The following NUCB1 variants were observed in gnomAD, a reference collection of about 807,000 sequenced individuals.
NUCB1 encodes nucleobindin 1.
In NUCB1, 47 loss-of-function variants were observed where a neutral mutation model predicts 61.2. That is an observed-to-expected ratio of 0.77 (90% confidence interval 0.61 to 0.98). The LOEUF (loss-of-function observed/expected upper bound fraction) is 0.98. NUCB1 is among the 50% of genes least tolerant of loss of function. NUCB1 has a pLI of 0.00. For synonymous variants in NUCB1, 234 were observed against 243.1 expected, an observed-to-expected ratio of 0.96 and a Z score of 0.35; for missense variants, 583 against 605.3, an observed-to-expected ratio of 0.96 and a Z score of 0.39.
rs749759537 is a variant in NUCB1, at chr19:48,900,860, C to T, written c.64C>T (p.Arg22Cys). Residue 22 changes from arginine (R) to cysteine (C), a missense_variant, in exon 2 of 13, where the codon CGC becomes TGC. Coordinates refer to ENST00000405315, the MANE Select transcript of NUCB1 (RefSeq NM_006184.6). The stretch of plus-strand genomic sequence containing the variant: ...GCCGCTGCTGCTGCTGCTCCTGCTT[C>T]GCGCCGTGCTGGCTGTCCCCCTGGA... ...LLPLLLLLLL[R>C]AVLAVPLERG... 2 of 1,613,930 alleles carry T rather than the reference C, an allele frequency of 1.2e-6. No homozygotes were observed. Among genetic ancestry groups the T allele is most frequent in the African/African-American group, 1.3e-5 (1 of 75,068 alleles).
Position 48,913,169 on chromosome 19 carries a change from C to T in NUCB1, c.639C>T (p.His213=), listed in dbSNP as rs151028719. The change falls in exon 6 of 13, where the codon CAC becomes CAT. Residue 213 remains histidine (H), a synonymous_variant. Transcript: ENST00000405315. The part of the protein sequence containing the change: ...ERKLEEQQRR[H]REHPKVNVPG... The stretch of plus-strand genomic sequence containing the variant: ...AGCTGGAAGAGCAACAGCGCCGGCA[C>T]CGCGAGCACCCTAAAGTCAACGTGC... 6.2e-7 allele frequency: 1 copy of T among 1,613,532 alleles called. No individual in the cohort carries two copies. Among genetic ancestry groups the T allele is most frequent in the East Asian group, 2.2e-5 (1 of 44,874 alleles).
At chr19:48,903,217 G>A (rs2037370716) in intron 2 of NUCB1, among the ~76,000 whole-genome samples, 1 of 152,124 alleles carries the variant, frequency 6.6e-6, no homozygotes, top group South Asian at 2.1e-4. Flanking sequence ...AATAGTAAGA[G>A]CATAGAAGGC....
chr19:48,905,640 C>T, intron 3 of NUCB1, 113 bp from the exon 4 acceptor site: 1 of 1,274,784 alleles, frequency 7.8e-7, no homozygotes, highest in Non-Finnish European at 1.1e-6. Flanking sequence ...AGCTGGGGGA[C>T]TATAAGCAGG....
rs370697793 is a variant in NUCB1, at chr19:48,913,446, C to T, written c.667-28C>T. 55 of 1,597,350 alleles carry T rather than the reference C, an allele frequency of 3.4e-5. No homozygotes were observed. The African/African-American group carries it at 3.7e-4, about 11-fold the overall frequency. On this transcript the variant is annotated intron_variant, in intron 6 of 12. Transcript: ENST00000405315. ...TCCCATGGCATCCAGACTTCTTGCT[C>T]ATGAGCTCCTGGCTCTCCCCTCCAC...
rs987531458 is a variant in NUCB1, at chr19:48,913,263, G to GT, written c.666+69dup. ...AGTTCAAACGCAAGACAAGAAAGCAGTTAAAGAACTACAATTCCCAGGGGC... is the reference window on the plus strand; with the variant it reads ...AGTTCAAACGCAAGACAAGAAAGCAGTTTAAAGAACTACAATTCCCAGGGGC... On this transcript the variant is annotated intron_variant, in intron 6 of 12. Coordinates refer to ENST00000405315, the MANE Select transcript of NUCB1 (RefSeq NM_006184.6). 34 of 1,496,066 alleles carry GT rather than the reference G, an allele frequency of 2.3e-5. No homozygotes were observed. The Admixed American group carries it at 3.3e-4, about 15-fold the overall frequency. The allele number at this position is 1,496,066 out of a possible 1,614,324, so 92.7% of individuals were successfully genotyped here. A position where few individuals can be genotyped will look rare whatever the true frequency, so the allele number is the denominator to read the frequency against.
At chr19:48,907,983 G>A (rs2037430337) in intron 4 of NUCB1, among the ~76,000 whole-genome samples, 1 of 152,166 alleles carries the variant, frequency 6.6e-6, no homozygotes, top group Non-Finnish European at 1.5e-5. Flanking sequence ...ATCTCCCCTG[G>A]AATGTCACCT....
At chr19:48,920,009 T>TC (rs2037591455) in intron 10 of NUCB1, among the ~76,000 whole-genome samples, 1 of 152,064 alleles carries the variant, frequency 6.6e-6, no homozygotes, top group East Asian at 1.9e-4. Context: ...ACTCAAGCGA[T>TC]CCACCTGACC....
At chr19:48,902,819 C>T (rs2037366667) in intron 2 of NUCB1, among the ~76,000 whole-genome samples, 1 of 151,720 alleles carries the variant, frequency 6.6e-6, no homozygotes, top group Non-Finnish European at 1.5e-5. Context: ...GAAAGCAGAG[C>T]AAGTTGAGGA....
intron 7 of NUCB1, among the ~76,000 whole-genome samples, chr19:48,913,823 C>T (rs1410547055): frequency 1.3e-5 from 2 of 152,194 alleles, no homozygotes; most frequent in Non-Finnish European, 2.9e-5. Flanking sequence ...GTAAGCAAAC[C>T]AGGCTTGGCT....
chr19:48,908,371 C>G (rs892334905), intron 4 of NUCB1, among the ~76,000 whole-genome samples: 1 of 152,144 alleles, frequency 6.6e-6, no homozygotes, highest in Non-Finnish European at 1.5e-5. Context: ...CTCAGGTGAT[C>G]CACCCGCCTC....
intron 10 of NUCB1, among the ~76,000 whole-genome samples, chr19:48,919,590 G>A (rs2037585034): frequency 6.6e-6 from 1 of 151,098 alleles, no homozygotes; most frequent in South Asian, 2.1e-4. Flanking sequence ...CAATTCTCCT[G>A]GCTCATCCTC....
At chr19:48,922,195 G>A (rs1405985289) in intron 12 of NUCB1, 123 bp from the exon 13 acceptor site, 1 of 775,772 alleles carries the variant, frequency 1.3e-6, no homozygotes, top group Admixed American at 2.2e-5. Flanking sequence ...ACCCCTGGGT[G>A]TGAGGGAGGA....
Position 48,922,665 on chromosome 19 carries a change from G to A in NUCB1, c.*241G>A, listed in dbSNP as rs1037044403. The A allele has an allele frequency of 2.0e-6, 1 of 501,342 alleles. No homozygotes were observed. Among genetic ancestry groups the A allele is most frequent in the Admixed American group, 3.3e-5 (1 of 30,606 alleles). The allele number at this position is 501,342 out of a possible 1,614,324, so 31.1% of individuals were successfully genotyped here. A position where few individuals can be genotyped will look rare whatever the true frequency, so the allele number is the denominator to read the frequency against. Reference sequence around the variant, plus strand: ...AGGGGCTTGCCTTCTCTCGTGTCCAGTGAGGTGCTCAGTGATCGGCTTAAC... The same window carrying A: ...AGGGGCTTGCCTTCTCTCGTGTCCAATGAGGTGCTCAGTGATCGGCTTAAC... On this transcript the variant is annotated 3_prime_UTR_variant, in exon 13 of 13. Transcript: ENST00000405315.
chr19:48,916,036 A>G (rs183359429), intron 7 of NUCB1, among the ~76,000 whole-genome samples: 80 of 152,122 alleles, frequency 5.3e-4, no homozygotes, highest in African/African-American at 1.7e-3. Flanking sequence ...ATCTCGCACA[A>G]CCGAAACCGT....
Position 48,913,461 on chromosome 19 carries a change from C to G in NUCB1, c.667-13C>G, listed in dbSNP as rs1271469053. On this transcript the variant is annotated splice_polypyrimidine_tract_variant and intron_variant, in intron 6 of 12. Coordinates refer to ENST00000405315, the MANE Select transcript of NUCB1 (RefSeq NM_006184.6). ...ACTTCTTGCTCATGAGCTCCTGGCTCTCCCCTCCACAGGGCAGCCAAGCCC... is the reference window on the plus strand; with the variant it reads ...ACTTCTTGCTCATGAGCTCCTGGCTGTCCCCTCCACAGGGCAGCCAAGCCC... 1.2e-6 allele frequency: 2 copies of G among 1,612,048 alleles called. No homozygotes were observed. Among genetic ancestry groups the G allele is most frequent in the South Asian group, 1.1e-5 (1 of 91,058 alleles).
At chr19:48,903,566 ATGAG>A (rs2037376955) in intron 2 of NUCB1, among the ~76,000 whole-genome samples, 1 of 38,608 alleles carries the variant, frequency 2.6e-5, no homozygotes, top group African/African-American at 1.1e-4. Flanking sequence ...GGATGGATGG[ATGAG>A]TGGATGGATG....
chr19:48,911,060 G>C (rs1020465636), intron 4 of NUCB1, 89 bp from the exon 5 acceptor site: 1 of 937,546 alleles, frequency 1.1e-6, no homozygotes, highest in Non-Finnish European at 1.7e-6. Context: ...CCCTAGTGCT[G>C]TCCGTGACTT....
intron 3 of NUCB1, among the ~76,000 whole-genome samples, chr19:48,905,083 GT>G (rs2037397600): frequency 6.6e-6 from 1 of 152,220 alleles, no homozygotes; most frequent in Non-Finnish European, 1.5e-5. Context: ...CTGCTGCACA[GT>G]TCGGATTTGG....
At position 48,919,119 on chromosome 19, in the gene NUCB1, G is replaced by T. The variant is rs1179840525; in HGVS notation, c.906G>T (p.Lys302Asn). The change falls in exon 9 of 13, where the codon AAG becomes AAT. Residue 302 changes from lysine (K) to asparagine (N), a missense_variant. By Grantham distance (94) the Lys-to-Asn change is moderately conservative. Coordinates refer to ENST00000405315, the MANE Select transcript of NUCB1 (RefSeq NM_006184.6). ...TGCGCATGCGGGAGCATGTGATGAA[G>T]AATGTGAGGTGGGGGCCAGGCGGGG... ...ERLRMREHVM[K>N]NVDTNQDRLV... 1.2e-6 allele frequency: 2 copies of T among 1,614,012 alleles called. No homozygotes were observed. Among genetic ancestry groups the T allele is most frequent in the Non-Finnish European group, 1.7e-6 (2 of 1,180,010 alleles).
Sources: gnomAD v4.1 joint callset for allele counts (sites outside exome capture counted in the v4.1 genomes callset) on GRCh38, gnomAD v4.1.1 for gene constraint, MANE v1.5 for transcripts, NCBI Gene and HGNC (gene_info 2026-07-23, HGNC 2026-07-21) for gene names.